The following ZNF23 variants were observed in gnomAD, a reference collection of about 807,000 sequenced individuals.
The protein encoded by ZNF23 is zinc finger protein 23, also known as kruppel-like zinc finger factor X31.
In ZNF23, 48 loss-of-function variants were observed where a neutral mutation model predicts 56.2. The ratio of observed to expected loss-of-function variants is 0.85; its 90% confidence interval spans 0.68 to 1.09. The LOEUF (loss-of-function observed/expected upper bound fraction) is 1.09, where lower values mean the gene tolerates loss of function less well. Ranked by LOEUF, ZNF23 falls within the 50% of genes least tolerant of loss-of-function variation. The probability of loss-of-function intolerance (pLI) is 0.00; values close to 1 mark genes in which losing one functional copy is unlikely to be tolerated. For missense variants in ZNF23, 805 were observed against 811.4 expected (o/e 0.99, Z 0.10); for synonymous variants, 266 against 283.3 (o/e 0.94, Z 0.61).
rs370429181 is a variant in ZNF23 at position 71,448,750 on chromosome 16, G to A, written c.1404C>T (p.Cys468=). 114 of 1,614,026 alleles carry A rather than the reference G, an allele frequency of 7.1e-5. No homozygotes were observed. In the East Asian group the frequency reaches 1.1e-3, roughly 16 times the overall value. Residue 468 remains cysteine (C), a synonymous_variant, in exon 5 of 5, where the codon TGC becomes TGT. Coordinates refer to ENST00000647773, the MANE Select transcript of ZNF23 (RefSeq NM_001381984.1). ...TGEKPYECNE[C]GKAFRCNSQF... ...GGGAGTTACATCTGAAGGCTTTCCC[G>A]CATTCATTACACTCATAGGGTTTCT... is the stretch of plus-strand genomic sequence containing the variant.
rs2042903534 is a variant in ZNF23, at chr16:71,447,918, T to A, written c.*175A>T. The A allele has an allele frequency of 4.3e-6, 2 of 468,908 alleles. No individual in the cohort carries two copies. Among genetic ancestry groups the A allele is most frequent in the Admixed American group, 7.7e-5 (2 of 25,986 alleles). 29.0% of individuals were successfully genotyped at this position (468,908 alleles called of 1,614,324 possible). ...GGTACAAAACAAAGCTATTTTTGGATGTTTCTCTTTAACTGGTCATCCTTT... is the reference window on the plus strand; with the variant it reads ...GGTACAAAACAAAGCTATTTTTGGAAGTTTCTCTTTAACTGGTCATCCTTT... On this transcript the variant is annotated 3_prime_UTR_variant, in exon 5 of 5. Transcript: ENST00000647773.
At chr16:71,455,453 C>G (rs907523529) in intron 2 of ZNF23, among the ~76,000 whole-genome samples, 23 of 152,196 alleles carry the variant, frequency 1.5e-4, no homozygotes, top group Middle Eastern at 3.4e-3. Context: ...GCCTCCCGGG[C>G]TCAAGCAATT....
At position 71,454,118 on chromosome 16, in the gene ZNF23, C is replaced by T; in HGVS notation, c.84G>A (p.Trp28Ter). 1 of 1,614,042 alleles carries T rather than the reference C, an allele frequency of 6.2e-7. No individual in the cohort carries two copies. Among genetic ancestry groups the T allele is most frequent in the South Asian group, 1.1e-5 (1 of 91,082 alleles). The change falls in exon 3 of 5, where the codon TGG (tryptophan) becomes TGA (stop). Residue 28 changes from tryptophan to a stop codon, truncating the protein, a stop_gained. Transcript: ENST00000647773. LOFTEE classifies it high-confidence loss of function. ...TCCTCTGTGCAGGGGACAGGCCATC[C>T]CATTCCGCCTGGGTGAAGTACACAG... ...DVAVYFTQAE[W>*]DGLSPAQRTL...
intron 2 of ZNF23, among the ~76,000 whole-genome samples, chr16:71,454,866 T>A (rs1179893073): frequency 6.6e-6 from 1 of 152,160 alleles, no homozygotes; most frequent in Non-Finnish European, 1.5e-5. Context: ...CCGGCTACTC[T>A]CCCCTTTGCA....
In ZNF23 at chr16:71,448,766, T is replaced by C. The variant is rs1596993061; in HGVS notation, c.1388A>G (p.Tyr463Cys). The change falls in exon 5 of 5, where the codon TAT becomes TGT. Residue 463 changes from tyrosine (Y) to cysteine (C), a missense_variant. Transcript: ENST00000647773. ...GGCTTTCCCGCATTCATTACACTCA[T>C]AGGGTTTCTCGCCTGTGTGAATTCT... The part of the protein sequence containing the change: ...HQRIHTGEKP[Y>C]ECNECGKAFR... The C allele has an allele frequency of 1.9e-6, 3 of 1,614,078 alleles. No homozygotes were observed. Among genetic ancestry groups the C allele is most frequent in the Non-Finnish European group, 2.5e-6 (3 of 1,180,036 alleles).
intron 1 of ZNF23, among the ~76,000 whole-genome samples, chr16:71,458,321 T>C (rs563622842): frequency 1.3e-5 from 2 of 152,354 alleles, no homozygotes; most frequent in Admixed American, 1.3e-4. Context: ...TCCTAAAATA[T>C]CATCCATTTC....
chr16:71,448,408 T>C lies in ZNF23; in HGVS notation c.1746A>G (p.Lys582=). The part of the protein sequence containing the change: ...EKPFKCMECE[K]AFSCSSNYIV... Reference sequence around the variant, plus strand: ...TATAGTTAGAACTACAGCTGAATGCTTTCTCACATTCCATACATTTGAAAG... The same window carrying C: ...TATAGTTAGAACTACAGCTGAATGCCTTCTCACATTCCATACATTTGAAAG... The change falls in exon 5 of 5, where the codon AAA becomes AAG. Residue 582 remains lysine (K), a synonymous_variant. Transcript: ENST00000647773. 1 of 1,614,218 alleles carries C rather than the reference T, an allele frequency of 6.2e-7. No homozygotes were observed. The highest frequency in any genetic ancestry group is 1.7e-5 in the Admixed American group (1 of 60,032).
intron 2 of ZNF23, among the ~76,000 whole-genome samples, chr16:71,454,568 G>C (rs543626149): frequency 6.6e-6 from 1 of 151,866 alleles, no homozygotes; most frequent in African/African-American, 2.4e-5. Context: ...CCCACCCATC[G>C]CCCTCATCCT....
rs773636351 is a variant in ZNF23 at position 71,448,361 on chromosome 16, G to T, written c.1793C>A (p.Thr598Lys). ...CTTACACTGAAAGGGTTTCTCTCCT[G>T]TATGGATTCTCTGGTGCACAATATA... ...SNYIVHQRIH[T>K]GEKPFQCKEC... Residue 598 changes from threonine (T) to lysine (K), a missense_variant, in exon 5 of 5, where the codon ACA becomes AAA. By Grantham distance (78) the Thr-to-Lys change is moderately conservative. Transcript: ENST00000647773. 3 of 1,614,070 alleles carry T rather than the reference G, an allele frequency of 1.9e-6. No homozygotes were observed. Among genetic ancestry groups the T allele is most frequent in the Non-Finnish European group, 2.5e-6 (3 of 1,180,008 alleles).
At chr16:71,453,789 T>A in intron 3 of ZNF23, 1 of 575,052 alleles carries the variant, frequency 1.7e-6, no homozygotes, top group Non-Finnish European at 3.1e-6. Flanking sequence ...GCAACTGGAT[T>A]CCAGTGTTTC....
At chr16:71,450,591 T>C (rs759334752) in intron 4 of ZNF23, 12 of 370,860 alleles carry the variant, frequency 3.2e-5, no homozygotes, top group Non-Finnish European at 4.4e-5. Flanking sequence ...TGGTGGTACG[T>C]GCCTGTAGTT....
intron 1 of ZNF23, among the ~76,000 whole-genome samples, chr16:71,460,858 T>A (rs28709366): frequency 0.046 from 6,898 of 150,902 alleles, 522 homozygotes; most frequent in African/African-American, 0.15. Flanking sequence ...ACAAAAATAT[T>A]ATCAGCACAT....
At position 71,448,542 on chromosome 16, in the gene ZNF23, G is replaced by C. The variant is rs1030066903; in HGVS notation, c.1612C>G (p.His538Asp). The change falls in exon 5 of 5, where the codon CAC (histidine) becomes GAC (aspartate). Residue 538 changes from histidine to aspartate, a missense_variant. By Grantham distance (81) the His-to-Asp change is moderately conservative. Transcript: ENST00000647773. Reference sequence around the variant, plus strand: ...GGCTTTTCTCCAGTATGGATTCGGTGATGATCAAGTAGGTTTCTTTTAGAA... The same window carrying C: ...GGCTTTTCTCCAGTATGGATTCGGTCATGATCAAGTAGGTTTCTTTTAGAA... The part of the protein sequence containing the change: ...FTSKRNLLDH[H>D]RIHTGEKPYQ... 1.2e-6 allele frequency: 2 copies of C among 1,613,928 alleles called. No homozygotes were observed. Among genetic ancestry groups the C allele is most frequent in the Non-Finnish European group, 1.7e-6 (2 of 1,180,026 alleles).
At chr16:71,450,042 T>C (rs997083699) in intron 4 of ZNF23, 157 bp from the exon 5 acceptor site, 93 of 535,374 alleles carry the variant, frequency 1.7e-4, no homozygotes, top group Non-Finnish European at 2.8e-4. Context: ...GATAAGTAAT[T>C]TGTAACTAAC....
intron 3 of ZNF23, 23 bp from the exon 4 acceptor site, chr16:71,453,373 G>A (rs1290113177): frequency 1.3e-6 from 2 of 1,525,546 alleles, no homozygotes; most frequent in African/African-American, 1.4e-5. Flanking sequence ...AGGTAAATAG[G>A]AGAGACAGAT....
intron 1 of ZNF23, 166 bp downstream of exon 1, chr16:71,462,044 C>CG (rs1281578487): frequency 6.6e-6 from 1 of 152,394 alleles, no homozygotes; most frequent in Non-Finnish European, 1.5e-5. Context: ...TCGAGGAGCG[C>CG]GGAAGAGCAC....
chr16:71,448,815 T>A lies in ZNF23; in HGVS notation c.1339A>T (p.Lys447Ter). ...CTCTGGTGTTGGATTAACTTCCCTT[T>A]GACACTGAAGGCTTTTCCACATTCA... ...CTECGKAFSVKGKLIQHQRIH... is the reference protein window; with the variant it reads ...CTECGKAFSV The change falls in exon 5 of 5, where the codon AAA (lysine) becomes TAA (stop). Residue 447 changes from lysine to a stop codon, truncating the protein, a stop_gained. Transcript: ENST00000647773. LOFTEE classifies it high-confidence loss of function. 6.2e-7 allele frequency: 1 copy of A among 1,614,228 alleles called. No individual in the cohort carries two copies. Among genetic ancestry groups the A allele is most frequent in the Non-Finnish European group, 8.5e-7 (1 of 1,180,028 alleles).
chr16:71,455,294 G>A (rs900302386), intron 2 of ZNF23, among the ~76,000 whole-genome samples: 8 of 152,134 alleles, frequency 5.3e-5, no homozygotes, highest in African/African-American at 1.7e-4. Context: ...CAGAAACCTG[G>A]GGATTGTTCT....
At chr16:71,461,389 T>G (rs1007630196) in intron 1 of ZNF23, among the ~76,000 whole-genome samples, 3 of 151,940 alleles carry the variant, frequency 2.0e-5, no homozygotes, top group African/African-American at 7.3e-5. Context: ...TATACTACAG[T>G]GAACATAACC....
Sources: allele counts gnomAD v4.1 joint callset (sites outside exome capture counted in the v4.1 genomes callset), GRCh38; gene constraint gnomAD v4.1.1; transcripts MANE v1.5; gene names NCBI Gene and HGNC (gene_info 2026-07-23, HGNC 2026-07-21).